The following FBLN7 variants were observed in gnomAD, a reference collection of about 807,000 sequenced individuals.
The protein encoded by FBLN7 is fibulin 7.
Under a neutral mutation model 44.0 loss-of-function variants are expected in FBLN7, and 31 were observed. The ratio of observed to expected loss-of-function variants is 0.70; its 90% CI spans 0.53 to 0.95. FBLN7 has a LOEUF of 0.95. Among genes scored for constraint, FBLN7 ranks in the 40% least tolerant of loss-of-function variants. The probability of loss-of-function intolerance (pLI) is 0.00; values close to 1 mark genes in which losing one functional copy is unlikely to be tolerated. For missense variants in FBLN7, 573 were observed against 618.5 expected (o/e 0.93, Z 0.78); for synonymous variants, 262 against 253.4 (o/e 1.03, Z -0.32).
At chr2:112,167,837 T>G (rs982323854) in intron 3 of FBLN7, among the ~76,000 whole-genome samples, 5 of 115,486 alleles carry the variant, frequency 4.3e-5, no homozygotes, top group African/African-American at 1.3e-4. Flanking sequence ...AGTAGACAGA[T>G]GTATGTGTGT....
Position 112,162,079 on chromosome 2 carries a change from GGAGTGATCCT to G in FBLN7, c.235+2245_235+2254del, listed in dbSNP as rs910023776. On this transcript the variant is annotated intron_variant, in intron 2 of 7. Transcript: ENST00000331203. ...TCTGTCACCCAGGCTGGAGAGCAGT[GGAGTGATCCT>G]AGTTCACTGCAGCCTCCCAGGCTCA... 1.5e-4 allele frequency among the ~76,000 whole-genome samples: 23 copies of G among 152,302 alleles called. 1 individual carries two copies. The highest frequency in any genetic ancestry group is 4.6e-4 in the Admixed American group (7 of 15,292).
At chr2:112,206,714 A>G in the FBLN7 span, among the ~76,000 whole-genome samples, 2 of 140,270 alleles carry the variant, frequency 1.4e-5, no homozygotes, top group East Asian at 2.1e-4. Flanking sequence ...CTGGGCTTCT[A>G]TTATCTTTCT....
the FBLN7 span, chr2:112,216,295 C>T: frequency 6.6e-6 from 1 of 152,320 alleles, no homozygotes; most frequent in Non-Finnish European, 1.5e-5. Flanking sequence ...AAGCCCTTCA[C>T]TTGTACATTA....
downstream of FBLN7, chr2:112,190,183 A>T (rs1471741073): frequency 1.3e-5 from 2 of 152,166 alleles, no homozygotes; most frequent in African/African-American, 2.4e-5. Flanking sequence ...TTCAAGTTAG[A>T]TTTATTTAGG....
the FBLN7 span, among the ~76,000 whole-genome samples, chr2:112,218,766 T>C: frequency 6.6e-6 from 1 of 152,202 alleles, no homozygotes; most frequent in Non-Finnish European, 1.5e-5. Context: ...TTATTAGTTA[T>C]GATTTTGAGG....
At chr2:112,210,953 T>C in the FBLN7 span, among the ~76,000 whole-genome samples, 2 of 152,248 alleles carry the variant, frequency 1.3e-5, no homozygotes, top group South Asian at 4.2e-4. Flanking sequence ...GGTGGGAAGA[T>C]ACAAAATAAG....
chr2:112,234,796 T>C, the FBLN7 span, among the ~76,000 whole-genome samples: 3 of 150,944 alleles, frequency 2.0e-5, no homozygotes, highest in Non-Finnish European at 4.4e-5. Flanking sequence ...CGAGACTCCA[T>C]CTCAGGGAGA....
chr2:112,170,683 G>C (rs1682411993), intron 3 of FBLN7, among the ~76,000 whole-genome samples: 1 of 152,198 alleles, frequency 6.6e-6, no homozygotes, highest in African/African-American at 2.4e-5. Context: ...CAGGTGAGGT[G>C]GAGAGACACG....
chr2:112,215,800 T>C, the FBLN7 span: 1 of 152,186 alleles, frequency 6.6e-6, no homozygotes, highest in Non-Finnish European at 1.5e-5. Context: ...CTACAGTTTA[T>C]AAACCAATGA....
chr2:112,207,464 C>CAAA, the FBLN7 span, among the ~76,000 whole-genome samples: 46 of 79,152 alleles, frequency 5.8e-4, no homozygotes, highest in African/African-American at 1.8e-3. Flanking sequence ...GACTCCATCT[C>CAAA]AAAAAAAAAA....
intron 1 of FBLN7, among the ~76,000 whole-genome samples, chr2:112,156,856 G>A (rs1681456789): frequency 1.3e-5 from 2 of 152,104 alleles, no homozygotes; most frequent in Non-Finnish European, 2.9e-5. Context: ...AAATCTCCAC[G>A]GTGCAGAGGC....
At chr2:112,196,937 A>G in the FBLN7 span, among the ~76,000 whole-genome samples, 1 of 152,112 alleles carries the variant, frequency 6.6e-6, no homozygotes, top group African/African-American at 2.4e-5. Context: ...GAACTTGTGC[A>G]GGGGAACTCC....
the FBLN7 span, chr2:112,214,974 C>T: frequency 6.6e-6 from 1 of 152,148 alleles, no homozygotes; most frequent in Non-Finnish European, 1.5e-5. Context: ...TCCCTCAAAT[C>T]TCTGCGGTGT....
At position 112,187,302 on chromosome 2, in the gene FBLN7, G is replaced by A. The variant is rs1387414717; in HGVS notation, c.1116G>A (p.Arg372=). 3.7e-6 allele frequency: 6 copies of A among 1,614,174 alleles called. No individual in the cohort carries two copies. Among genetic ancestry groups the A allele is most frequent in the East Asian group, 2.2e-5 (1 of 44,886 alleles). ...APGRAGPNSL[R]FGIVGGNSRG... is the part of the protein sequence containing the mutation. ...GCCGAGCTGGGCCCAACAGCCTGCG[G>A]TTTGGGATCGTGGGTGGGAACAGCC... Residue 372 remains arginine (R), a synonymous_variant, in exon 8 of 8, where the codon CGG becomes CGA. Coordinates refer to ENST00000331203, the MANE Select transcript of FBLN7 (RefSeq NM_153214.3). This position sits in a 1 kb window ranked among gnomAD's most constrained non-coding sequence, Gnocchi z 5.1.
At chr2:112,140,682 G>C (rs1178629651) in intron 1 of FBLN7, among the ~76,000 whole-genome samples, 1 of 152,198 alleles carries the variant, frequency 6.6e-6, no homozygotes, top group Non-Finnish European at 1.5e-5. Context: ...AATTAGCTTA[G>C]AGAACGTCCC....
chr2:112,157,236 G>A (rs1394934807), intron 1 of FBLN7, among the ~76,000 whole-genome samples: 3 of 152,046 alleles, frequency 2.0e-5, no homozygotes, highest in Non-Finnish European at 2.9e-5. Flanking sequence ...GGGGCATGGC[G>A]GTGGGCACCT....
At chr2:112,160,840 GCA>G (rs1288877372) in intron 2 of FBLN7, among the ~76,000 whole-genome samples, 73 of 111,752 alleles carry the variant, frequency 6.5e-4, no homozygotes, top group African/African-American at 2.5e-3. Context: ...ATACACGCAC[GCA>G]CACGCGCACA....
At chr2:112,160,150 C>G (rs1014674100) in intron 2 of FBLN7, among the ~76,000 whole-genome samples, 1 of 152,278 alleles carries the variant, frequency 6.6e-6, no homozygotes, top group Admixed American at 6.5e-5. Flanking sequence ...GCCACCACGC[C>G]CGGCTAATTT....
At chr2:112,160,746 G>A (rs867070007) in intron 2 of FBLN7, among the ~76,000 whole-genome samples, 8,618 of 86,114 alleles carry the variant, frequency 0.1, 505 homozygotes, top group African/African-American at 0.26. Flanking sequence ...ACGCACACAC[G>A]CGCACGCACA....
Sources: gnomAD v4.1 joint callset for allele counts (sites outside exome capture counted in the v4.1 genomes callset) on GRCh38, gnomAD v4.1.1 for gene constraint, Gnocchi (gnomAD v3.1) non-coding constraint, MANE v1.5 for transcripts, NCBI Gene and HGNC (gene_info 2026-07-23, HGNC 2026-07-21) for gene names.